Variants in DENND5A observed in about 807,000 individuals in gnomAD.
The protein encoded by DENND5A is DENN domain containing 5A.
In DENND5A, 64 loss-of-function variants were observed where a neutral mutation model predicts 140.3. That is an observed-to-expected ratio of 0.46 (90% confidence interval 0.37 to 0.56). The LOEUF (loss-of-function observed/expected upper bound fraction) is 0.56, where lower values mean the gene tolerates loss of function less well. DENND5A is among the 20% of genes least tolerant of loss of function. The pLI is 0.00. For synonymous variants in DENND5A, 605 were observed against 607.7 expected (o/e 1.00, Z 0.07); for missense variants, 1,292 against 1,593.8 (o/e 0.81, Z 3.22).
chr11:9,238,833 C>CTT (rs35267899), intron 1 of DENND5A, among the ~76,000 whole-genome samples: 67 of 142,084 alleles, frequency 4.7e-4, no homozygotes, highest in East Asian at 1.4e-3. Flanking sequence ...TTTCTTTTTT[C>CTT]TTTTTTTTTT....
intron 4 of DENND5A, among the ~76,000 whole-genome samples, chr11:9,201,451 G>C (rs190462442): frequency 1.5e-3 from 221 of 151,346 alleles, no homozygotes; most frequent in Non-Finnish European, 2.7e-3. Context: ...CCAGGCAGGA[G>C]GTTCAGCCCA....
At chr11:9,145,285 G>A (rs1002700974) in intron 17 of DENND5A, 172 bp from the exon 18 acceptor site, 7 of 609,176 alleles carry the variant, frequency 1.1e-5, no homozygotes, top group East Asian at 2.7e-5. Context: ...TATCTCATGG[G>A]GGTGCCCAAG....
intron 13 of DENND5A, 85 bp from the exon 14 acceptor site, chr11:9,150,849 G>A (rs953225023): frequency 1.3e-5 from 10 of 766,876 alleles, no homozygotes; most frequent in African/African-American, 5.2e-5. Flanking sequence ...ATCACAAATT[G>A]CTATGGGAAA....
intron 1 of DENND5A, among the ~76,000 whole-genome samples, chr11:9,251,570 T>C (rs1163077785): frequency 6.6e-6 from 1 of 152,186 alleles, no homozygotes; most frequent in African/African-American, 2.4e-5. Flanking sequence ...TCTCATTTTC[T>C]GCCATGCCAG....
chr11:9,256,715 G>A (rs913547968), intron 1 of DENND5A, among the ~76,000 whole-genome samples: 3 of 152,152 alleles, frequency 2.0e-5, no homozygotes, highest in African/African-American at 7.2e-5. Flanking sequence ...TAGATGAGTG[G>A]TTGCCTAGGG....
intron 12 of DENND5A, 75 bp from the exon 13 acceptor site, chr11:9,152,517 G>A (rs1275843118): frequency 9.8e-7 from 1 of 1,016,360 alleles, no homozygotes; most frequent in Non-Finnish European, 1.6e-6. Flanking sequence ...ACAGATAGAA[G>A]CTTTTGCTAA....
At chr11:9,181,283 C>A (rs1490673696) in intron 5 of DENND5A, among the ~76,000 whole-genome samples, 199 bp from the exon 6 acceptor site, 1 of 152,034 alleles carries the variant, frequency 6.6e-6, no homozygotes, top group Non-Finnish European at 1.5e-5. Context: ...CGTTGTGTGA[C>A]CTTAGGAAAG....
intron 1 of DENND5A, among the ~76,000 whole-genome samples, chr11:9,244,029 A>G (rs1481061835): frequency 6.6e-6 from 1 of 152,246 alleles, no homozygotes; most frequent in Non-Finnish European, 1.5e-5. Flanking sequence ...GTTTCCAGTC[A>G]GCAGTAGGCT....
intron 1 of DENND5A, among the ~76,000 whole-genome samples, chr11:9,262,333 C>T (rs1852241166): frequency 6.6e-6 from 1 of 152,154 alleles, no homozygotes; most frequent in Non-Finnish European, 1.5e-5. Context: ...ATTCTATCTT[C>T]TCAAACCAAG....
At chr11:9,253,749 T>A (rs1211992156) in intron 1 of DENND5A, among the ~76,000 whole-genome samples, 5 of 151,350 alleles carry the variant, frequency 3.3e-5, no homozygotes, top group Admixed American at 2.6e-4. Flanking sequence ...CACCTGTAGT[T>A]CCAGCTACCT....
intron 15 of DENND5A, among the ~76,000 whole-genome samples, chr11:9,147,493 G>C (rs904601039): frequency 6.6e-6 from 1 of 152,210 alleles, no homozygotes; most frequent in African/African-American, 2.4e-5. Context: ...CAGGCTTCTA[G>C]CTAGGCTGTC....
rs774762146 is a variant in DENND5A, at chr11:9,139,714, T to C, written c.3821A>G (p.Asn1274Ser). ...IRVLQTLQEFNITLETSLVKG... is the reference protein window; with the variant it reads ...IRVLQTLQEFSITLETSLVKG... ...GACAAGGGACGTCTCCAGCGTGATGTTGAACTCCTGCAATGTCTGCAGCAC... is the reference window on the plus strand; with the variant it reads ...GACAAGGGACGTCTCCAGCGTGATGCTGAACTCCTGCAATGTCTGCAGCAC... The change falls in exon 23 of 23, where the codon AAC (asparagine) becomes AGC (serine). Residue 1274 changes from asparagine to serine, a missense_variant. Transcript: ENST00000328194. The C allele has an allele frequency of 1.1e-5, 17 of 1,614,020 alleles. No homozygotes were observed. The highest frequency in any genetic ancestry group is 3.3e-5 in the South Asian group (3 of 91,054).
chr11:9,182,576 C>T (rs1848768646), intron 5 of DENND5A, among the ~76,000 whole-genome samples: 1 of 152,120 alleles, frequency 6.6e-6, no homozygotes, highest in Admixed American at 6.6e-5. Context: ...TACTATTCCA[C>T]CATAAAAATG....
intron 11 of DENND5A, among the ~76,000 whole-genome samples, chr11:9,165,630 C>G (rs919011866): frequency 9.2e-5 from 14 of 152,120 alleles, no homozygotes; most frequent in African/African-American, 3.4e-4. Flanking sequence ...GACAGGATCT[C>G]ACTACGTTCT....
At chr11:9,246,111 A>C (rs1020361259) in intron 1 of DENND5A, among the ~76,000 whole-genome samples, 15 of 152,164 alleles carry the variant, frequency 9.9e-5, no homozygotes, top group Non-Finnish European at 2.9e-5. Flanking sequence ...CTTCAAGGAA[A>C]ATTCCAGCGC....
At chr11:9,178,061 T>C in intron 8 of DENND5A, 71 bp downstream of exon 8, 4 of 1,033,334 alleles carry the variant, frequency 3.9e-6, no homozygotes, top group Non-Finnish European at 6.1e-6. Context: ...GAGGCTGGCA[T>C]ATTTAGGAAA....
chr11:9,265,334 G>A lies in DENND5A; in HGVS notation c.-265C>T, dbSNP rs539346733. 3.3e-5 allele frequency: 8 copies of A among 241,022 alleles called. No homozygotes were observed. The highest frequency in any genetic ancestry group is 1.6e-4 in the African/African-American group (7 of 43,658). 14.9% of individuals were successfully genotyped at this position (241,022 alleles called of 1,614,324 possible). A position where few individuals can be genotyped will look rare whatever the true frequency, so the allele number is the denominator to read the frequency against. ...CAGCTAGCCGAGAGCGCCGCGGCCCGAGCGAGCCTGGAGAAGGGCGGAGAG... is the reference window on the plus strand; with the variant it reads ...CAGCTAGCCGAGAGCGCCGCGGCCCAAGCGAGCCTGGAGAAGGGCGGAGAG... On this transcript the variant is annotated 5_prime_UTR_variant, in exon 1 of 23. Transcript: ENST00000328194. The surrounding 1 kb of genome is among the most constrained non-coding windows in gnomAD (Gnocchi z 4.7).
chr11:9,177,656 A>T (rs1433847446), intron 8 of DENND5A, among the ~76,000 whole-genome samples: 1 of 151,854 alleles, frequency 6.6e-6, no homozygotes, highest in Non-Finnish European at 1.5e-5. Context: ...ACCCTGTCAC[A>T]CAGGCAGAAA....
In DENND5A at chr11:9,169,917, C is replaced by T. The variant is rs770342376; in HGVS notation, c.2090G>A (p.Arg697Lys). The T allele has an allele frequency of 7.4e-6, 12 of 1,613,790 alleles. No individual in the cohort carries two copies. In the African/African-American group the frequency reaches 1.5e-4, roughly 20 times the overall value. ...WTKRNAPAQW[R>K]RKDRQKQHTE... ...GTGCTGCTTCTGCCGATCTTTCCGCCTCCACTGGGCAGGGGCATTCCTTTT... is the reference window on the plus strand; with the variant it reads ...GTGCTGCTTCTGCCGATCTTTCCGCTTCCACTGGGCAGGGGCATTCCTTTT... The change falls in exon 10 of 23, where the codon AGG becomes AAG. Residue 697 changes from arginine to lysine, a missense_variant. Arg to Lys is a conservative substitution (Grantham distance 26). Coordinates refer to ENST00000328194, the MANE Select transcript of DENND5A (RefSeq NM_015213.4).
Sources: gnomAD v4.1 joint callset for allele counts (sites outside exome capture counted in the v4.1 genomes callset) on GRCh38, gnomAD v4.1.1 for gene constraint, Gnocchi (gnomAD v3.1) non-coding constraint, MANE v1.5 for transcripts, NCBI Gene and HGNC (gene_info 2026-07-23, HGNC 2026-07-21) for gene names.